Variants in PIK3C2G observed in about 807,000 individuals in gnomAD.
PIK3C2G encodes phosphatidylinositol 3-kinase C2 domain-containing subunit gamma.
PIK3C2G carries 168 observed loss-of-function variants against 181.1 expected under a neutral mutation model. The observed-to-expected ratio is 0.93, with a 90% CI of 0.82 to 1.05. The LOEUF (loss-of-function observed/expected upper bound fraction) is 1.05, where lower values mean the gene tolerates loss of function less well. Ranked by LOEUF, PIK3C2G falls within the 50% of genes least tolerant of loss-of-function variation. PIK3C2G has a pLI of 0.00. For synonymous variants in PIK3C2G, 573 were observed against 592.2 expected, an observed-to-expected ratio of 0.97 and a Z score of 0.47; for missense variants, 1,869 against 1,732.8, an observed-to-expected ratio of 1.08 and a Z score of -1.40.
chr12:18,376,529 G>A (rs1340948881), intron 13 of PIK3C2G, among the ~76,000 whole-genome samples: 1 of 152,180 alleles, frequency 6.6e-6, no homozygotes, highest in Non-Finnish European at 1.5e-5. Flanking sequence ...TTTAGTTAAT[G>A]CTGAAATGAG....
chr12:18,421,018 TC>T lies in PIK3C2G; in HGVS notation c.2396del (p.Pro799HisfsTer3). The T allele has an allele frequency of 6.3e-7, 1 of 1,581,194 alleles. No individual in the cohort carries two copies. The highest frequency in any genetic ancestry group is 8.7e-7 in the Non-Finnish European group (1 of 1,150,506). On this transcript the variant is annotated frameshift_variant, in exon 17 of 33. Transcript: ENST00000538779. LOFTEE classifies it high-confidence loss of function. ...NLLNDELLEYLPQLVQAVKFE... is the reference protein window; with the variant it reads ...NLLNDELLEYXPQLVQAVKFE... ...TTGAATGATGAACTACTGGAATATCTCCCACAGCTAGTTCAGGTAAGAATAG... is the reference window on the plus strand; with the variant it reads ...TTGAATGATGAACTACTGGAATATCTCCACAGCTAGTTCAGGTAAGAATAG...
At chr12:18,642,031 G>T (rs1217868030) in intron 32 of PIK3C2G, among the ~76,000 whole-genome samples, 1 of 152,140 alleles carries the variant, frequency 6.6e-6, no homozygotes, top group Non-Finnish European at 1.5e-5. Context: ...TTACAGGCGT[G>T]AGCCACCATG....
At chr12:18,616,672 C>T (rs953607094) in intron 31 of PIK3C2G, among the ~76,000 whole-genome samples, 6 of 152,058 alleles carry the variant, frequency 3.9e-5, no homozygotes, top group African/African-American at 1.2e-4. Flanking sequence ...AGTCTTGTAC[C>T]GTAATCTCTG....
At chr12:18,690,263 A>G in the PIK3C2G span, among the ~76,000 whole-genome samples, 1 of 152,038 alleles carries the variant, frequency 6.6e-6, no homozygotes, top group Non-Finnish European at 1.5e-5. Flanking sequence ...GGCTCTTGCT[A>G]CCCAAGCTGG....
intron 1 of PIK3C2G, among the ~76,000 whole-genome samples, chr12:18,275,930 T>A (rs1017219133): frequency 6.6e-6 from 1 of 152,166 alleles, no homozygotes; most frequent in African/African-American, 2.4e-5. Flanking sequence ...TGTAAAAAAA[T>A]TTATCTGAGC....
At chr12:18,461,487 T>A (rs1011023897) in intron 18 of PIK3C2G, among the ~76,000 whole-genome samples, 3 of 152,172 alleles carry the variant, frequency 2.0e-5, no homozygotes, top group African/African-American at 4.8e-5. Context: ...AGAATACACA[T>A]GAGAATATTC....
intron 11 of PIK3C2G, among the ~76,000 whole-genome samples, chr12:18,362,145 T>C (rs1018897030): frequency 9.9e-5 from 15 of 152,140 alleles, no homozygotes; most frequent in African/African-American, 3.6e-4. Flanking sequence ...AAATTGGGTT[T>C]TTTTAAAAAA....
intron 29 of PIK3C2G, among the ~76,000 whole-genome samples, chr12:18,585,373 A>C (rs1946715055): frequency 6.6e-6 from 1 of 152,222 alleles, no homozygotes; most frequent in South Asian, 2.1e-4. Flanking sequence ...ATCAGAAAAA[A>C]AAAGCAAGAG....
intron 1 of PIK3C2G, among the ~76,000 whole-genome samples, chr12:18,279,087 A>C (rs569567981): frequency 6.6e-6 from 1 of 152,082 alleles, no homozygotes; most frequent in Non-Finnish European, 1.5e-5. Context: ...AGTTCATTTG[A>C]GCGAATACTC....
At chr12:18,551,299 C>T (rs1565499030) in intron 26 of PIK3C2G, among the ~76,000 whole-genome samples, 1 of 152,026 alleles carries the variant, frequency 6.6e-6, no homozygotes, top group African/African-American at 2.4e-5. Context: ...CAAAGGCAGC[C>T]ATCCATTAAA....
chr12:18,521,266 A>T (rs1044681536), intron 24 of PIK3C2G, among the ~76,000 whole-genome samples: 5 of 152,268 alleles, frequency 3.3e-5, no homozygotes, highest in African/African-American at 1.2e-4. Context: ...AAGCACTTTG[A>T]CTGTCCTGTG....
intron 14 of PIK3C2G, among the ~76,000 whole-genome samples, chr12:18,386,852 G>C (rs938473790): frequency 1.3e-5 from 2 of 151,828 alleles, no homozygotes; most frequent in African/African-American, 4.8e-5. Flanking sequence ...GGAATTACTG[G>C]GTCTCATACA....
chr12:18,477,326 A>C (rs1012714446), intron 18 of PIK3C2G, among the ~76,000 whole-genome samples: 1 of 152,146 alleles, frequency 6.6e-6, no homozygotes, highest in African/African-American at 2.4e-5. Flanking sequence ...TCATTTTACA[A>C]ATGGAAAGGC....
intron 18 of PIK3C2G, among the ~76,000 whole-genome samples, chr12:18,464,363 G>A (rs1447456814): frequency 6.6e-6 from 1 of 151,922 alleles, no homozygotes; most frequent in African/African-American, 2.4e-5. Context: ...ACTTCCCAAA[G>A]TCCCTACTCT....
At chr12:18,559,803 TATATATATATATATATATAGAG>T (rs1333604207) in intron 26 of PIK3C2G, among the ~76,000 whole-genome samples, 203 of 51,300 alleles carry the variant, frequency 4.0e-3, no homozygotes, top group Middle Eastern at 0.013. Flanking sequence ...TATATATATA[TATATATATATATATATATAGAG>T]AGAGAGAGAG....
At chr12:18,430,039 A>G (rs1946067079) in intron 18 of PIK3C2G, among the ~76,000 whole-genome samples, 1 of 152,162 alleles carries the variant, frequency 6.6e-6, no homozygotes, top group African/African-American at 2.4e-5. Flanking sequence ...TCCCTTCCCT[A>G]TAATTCTGCT....
intron 32 of PIK3C2G, among the ~76,000 whole-genome samples, chr12:18,644,819 ACT>A (rs1404980183): frequency 2.6e-5 from 4 of 151,658 alleles, no homozygotes; most frequent in South Asian, 2.1e-4. Context: ...TCGCTTTTGA[ACT>A]CTTTCTTTCA....
At chr12:18,440,612 G>A (rs1946691597) in intron 18 of PIK3C2G, among the ~76,000 whole-genome samples, 1 of 152,104 alleles carries the variant, frequency 6.6e-6, no homozygotes, top group Non-Finnish European at 1.5e-5. Flanking sequence ...GTGTGCAAAG[G>A]CATTAAGGTG....
chr12:18,395,542 C>T (rs61914531), intron 15 of PIK3C2G, among the ~76,000 whole-genome samples: 19,131 of 146,532 alleles, frequency 0.13, 1,294 homozygotes, highest in African/African-American at 0.16. Flanking sequence ...GGAAGAAAAT[C>T]ATACTAGATG....
Sources: allele counts gnomAD v4.1 joint callset (sites outside exome capture counted in the v4.1 genomes callset), GRCh38; gene constraint gnomAD v4.1.1; transcripts MANE v1.5; gene names NCBI Gene and HGNC (gene_info 2026-07-23, HGNC 2026-07-21).